PCDH15: variants seen among roughly 807,000 people sequenced by gnomAD.
The protein encoded by PCDH15 is protocadherin related 15.
In PCDH15, 129 loss-of-function variants were observed where a neutral mutation model predicts 178.5. That is an observed-to-expected ratio of 0.72 (90% CI 0.63 to 0.84). The LOEUF (loss-of-function observed/expected upper bound fraction) is 0.84. Ranked by LOEUF, PCDH15 falls within the 40% of genes least tolerant of loss-of-function variation. PCDH15 has a pLI of 0.00. For synonymous variants in PCDH15, 800 were observed against 732.0 expected (o/e 1.09, Z -1.50); for missense variants, 2,230 against 2,099.9 (o/e 1.06, Z -1.21).
chr10:55,180,449 T>C (rs1239672415), intron 1 of PCDH15, among the ~76,000 whole-genome samples: 1 of 152,108 alleles, frequency 6.6e-6, no homozygotes, highest in Non-Finnish European at 1.5e-5. Context: ...GCAAATTTAT[T>C]GTAAAAGGGG....
At chr10:55,547,826 G>T (rs559464724) in intron 2 of PCDH15, among the ~76,000 whole-genome samples, 198 of 151,368 alleles carry the variant, frequency 1.3e-3, no homozygotes, top group African/African-American at 4.6e-3. Flanking sequence ...TGTAGGAGGG[G>T]TCCTGCTACC....
chr10:54,543,514 C>T (rs569140787), intron 2 of PCDH15, among the ~76,000 whole-genome samples: 333 of 152,290 alleles, frequency 2.2e-3, no homozygotes, highest in Non-Finnish European at 4.2e-3. Context: ...ACAAGGGAAC[C>T]TTTCCCATTT....
intron 15 of PCDH15, among the ~76,000 whole-genome samples, chr10:54,129,125 A>C (rs2042217208): frequency 6.6e-6 from 1 of 152,184 alleles, no homozygotes. Flanking sequence ...TAATGATAAT[A>C]AGATCGACCT....
intron 28 of PCDH15, among the ~76,000 whole-genome samples, chr10:53,850,002 G>A (rs1176158152): frequency 6.6e-6 from 1 of 151,380 alleles, no homozygotes; most frequent in Non-Finnish European, 1.5e-5. Context: ...TTGTGACTTT[G>A]AGCCATGTGA....
chr10:55,359,001 G>A (rs927406605), intron 2 of PCDH15, among the ~76,000 whole-genome samples: 1 of 152,148 alleles, frequency 6.6e-6, no homozygotes, highest in South Asian at 2.1e-4. Flanking sequence ...AGACCAGCCT[G>A]AGCAACATAG....
intron 2 of PCDH15, chr10:55,468,225 G>A (rs1290707159): frequency 6.6e-6 from 1 of 152,086 alleles, no homozygotes; most frequent in Non-Finnish European, 1.5e-5. Context: ...TTCCTAGAAA[G>A]TTGCCCAACT....
chr10:54,213,879 G>T, intron 10 of PCDH15, 57 bp downstream of exon 10: 1 of 1,136,980 alleles, frequency 8.8e-7, no homozygotes, highest in Non-Finnish European at 1.3e-6. Flanking sequence ...AGCGTCTACA[G>T]ATTTATCTGA....
chr10:54,138,194 A>G (rs2043059868), intron 14 of PCDH15, among the ~76,000 whole-genome samples: 1 of 151,934 alleles, frequency 6.6e-6, no homozygotes, highest in African/African-American at 2.4e-5. Context: ...TAGTATGGAC[A>G]CTTTTTGGGG....
chr10:55,176,047 G>C (rs1010802339), intron 1 of PCDH15, among the ~76,000 whole-genome samples: 1 of 151,914 alleles, frequency 6.6e-6, no homozygotes, highest in Non-Finnish European at 1.5e-5. Context: ...TGGGTCCAAG[G>C]GCTCCTCTCT....
intron 16 of PCDH15, among the ~76,000 whole-genome samples, chr10:54,086,114 T>G (rs951366278): frequency 5.3e-5 from 8 of 152,240 alleles, no homozygotes; most frequent in Non-Finnish European, 1.2e-4. Flanking sequence ...AATAAGTTTA[T>G]TTGTCTCACA....
At chr10:54,760,741 C>A (rs1180841666) in intron 1 of PCDH15, among the ~76,000 whole-genome samples, 2 of 152,020 alleles carry the variant, frequency 1.3e-5, no homozygotes, top group African/African-American at 4.8e-5. Flanking sequence ...AGAAAAAATG[C>A]AAAGTTAGGT....
chr10:55,605,733 G>C (rs1300827399), intron 2 of PCDH15, among the ~76,000 whole-genome samples: 8 of 94,744 alleles, frequency 8.4e-5, no homozygotes, highest in African/African-American at 3.4e-4. Flanking sequence ...ATTAGGTATT[G>C]ATGGGACGTA....
intron 1 of PCDH15, among the ~76,000 whole-genome samples, chr10:54,720,343 A>G (rs1011427377): frequency 2.0e-5 from 3 of 152,218 alleles, no homozygotes; most frequent in African/African-American, 7.2e-5. Flanking sequence ...GAAAAGCCTC[A>G]CTAATGCATA....
chr10:55,602,108 G>T (rs1244251598), intron 2 of PCDH15, among the ~76,000 whole-genome samples: 1 of 152,108 alleles, frequency 6.6e-6, no homozygotes, highest in Non-Finnish European at 1.5e-5. Flanking sequence ...CCCTTTCCTA[G>T]TCAAGGAAAG....
At chr10:53,900,239 CTCT>C (rs2082250334) in intron 26 of PCDH15, among the ~76,000 whole-genome samples, 1 of 151,184 alleles carries the variant, frequency 6.6e-6, no homozygotes, top group African/African-American at 2.4e-5. Flanking sequence ...CTCTCCCCCC[CTCT>C]CTCTGTCTGT....
intron 5 of PCDH15, among the ~76,000 whole-genome samples, chr10:54,358,831 A>T (rs1253461165): frequency 6.6e-6 from 1 of 151,960 alleles, no homozygotes; most frequent in Non-Finnish European, 1.5e-5. Context: ...CTATGCAGCC[A>T]TAAAAAATGA....
chr10:53,938,977 C>A (rs774193617), intron 24 of PCDH15, 22 bp from the exon 25 acceptor site: 2 of 1,608,402 alleles, frequency 1.2e-6, no homozygotes, highest in Non-Finnish European at 1.7e-6. Flanking sequence ...AATACAATTA[C>A]CTGGTCATTG....
chr10:53,944,948 AC>A (rs897237148), intron 23 of PCDH15, among the ~76,000 whole-genome samples: 1 of 152,204 alleles, frequency 6.6e-6, no homozygotes, highest in Non-Finnish European at 1.5e-5. Context: ...TATTTACTCC[AC>A]AACGGCAATG....
intron 2 of PCDH15, among the ~76,000 whole-genome samples, chr10:55,042,840 T>G (rs535605548): frequency 6.6e-6 from 1 of 152,280 alleles, no homozygotes; most frequent in South Asian, 2.1e-4. Flanking sequence ...TCAATATAAA[T>G]TTATTTAATA....
Sources: gnomAD v4.1 joint callset for allele counts (sites outside exome capture counted in the v4.1 genomes callset) on GRCh38, gnomAD v4.1.1 for gene constraint, MANE v1.5 for transcripts, NCBI Gene and HGNC (gene_info 2026-07-23, HGNC 2026-07-21) for gene names.